GMDS: variants seen among roughly 807,000 people sequenced by gnomAD.
GMDS encodes GDP-mannose 4,6 dehydratase.
A neutral mutation model predicts 49.9 loss-of-function variants in GMDS; 20 were observed. The observed-to-expected ratio is 0.40, with a 90% confidence interval of 0.28 to 0.58. The LOEUF is 0.58. GMDS is among the 20% of genes least tolerant of loss of function. The pLI is 0.42. For synonymous variants in GMDS, 177 were observed against 178.6 expected, an observed-to-expected ratio of 0.99 and a Z score of 0.07; for missense variants, 362 against 481.4, an observed-to-expected ratio of 0.75 and a Z score of 2.32.
chr6:2,146,207 G>A (rs1376518782), intron 1 of GMDS, among the ~76,000 whole-genome samples: 1 of 152,190 alleles, frequency 6.6e-6, no homozygotes, highest in Non-Finnish European at 1.5e-5. Context: ...CTGTTGGTAG[G>A]ACTGTAAATT....
At chr6:2,218,842 C>T (rs905811851) in intron 1 of GMDS, among the ~76,000 whole-genome samples, 2 of 152,148 alleles carry the variant, frequency 1.3e-5, no homozygotes, top group African/African-American at 2.4e-5. Flanking sequence ...TTTGTAGAGG[C>T]TAAAGTTTAT....
chr6:2,082,718 C>A (rs1662087916), intron 4 of GMDS, among the ~76,000 whole-genome samples: 1 of 152,176 alleles, frequency 6.6e-6, no homozygotes. Context: ...ATATTGCACA[C>A]TGTAAGAACA....
chr6:1,915,394 G>A (rs1480001504), intron 7 of GMDS, among the ~76,000 whole-genome samples: 1 of 152,224 alleles, frequency 6.6e-6, no homozygotes, highest in African/African-American at 2.4e-5. Flanking sequence ...TGCAGAGGCA[G>A]CTGAGTGCTG....
chr6:2,049,777 C>T (rs907500506), intron 4 of GMDS, among the ~76,000 whole-genome samples: 6 of 152,134 alleles, frequency 3.9e-5, no homozygotes, highest in South Asian at 4.1e-4. Flanking sequence ...CCTGAATGAC[C>T]ACTGGGTACA....
chr6:1,840,577 T>C (rs1303140638), intron 7 of GMDS, among the ~76,000 whole-genome samples: 1 of 152,168 alleles, frequency 6.6e-6, no homozygotes, highest in East Asian at 1.9e-4. Flanking sequence ...GCAAGAGACG[T>C]ATTTGCTGCT....
intron 4 of GMDS, among the ~76,000 whole-genome samples, chr6:2,061,921 G>T (rs1317366319): frequency 6.6e-6 from 1 of 152,002 alleles, no homozygotes; most frequent in African/African-American, 2.4e-5. Context: ...ACATTAAAAG[G>T]ATTCAAATGT....
At chr6:2,070,785 A>AT (rs1465387290) in intron 4 of GMDS, among the ~76,000 whole-genome samples, 1 of 152,038 alleles carries the variant, frequency 6.6e-6, no homozygotes, top group Non-Finnish European at 1.5e-5. Flanking sequence ...CTACTTTTCC[A>AT]TTTCTGTTCC....
At chr6:2,001,592 G>T (rs1253148741) in intron 4 of GMDS, among the ~76,000 whole-genome samples, 2 of 152,090 alleles carry the variant, frequency 1.3e-5, no homozygotes, top group African/African-American at 4.8e-5. Context: ...AGAATAACCA[G>T]AAAAAGAACA....
intron 1 of GMDS, among the ~76,000 whole-genome samples, chr6:2,125,076 G>A (rs900874815): frequency 6.6e-6 from 1 of 152,142 alleles, no homozygotes; most frequent in East Asian, 1.9e-4. Context: ...CAGAATATGG[G>A]GGCAGAATGC....
At chr6:2,244,918 C>T (rs1158372717) in intron 1 of GMDS, among the ~76,000 whole-genome samples, 1 of 152,208 alleles carries the variant, frequency 6.6e-6, no homozygotes, top group African/African-American at 2.4e-5. Context: ...AGCCGAGACA[C>T]ATCAAGAAGA....
intron 4 of GMDS, among the ~76,000 whole-genome samples, chr6:1,961,849 T>C (rs1167909694): frequency 6.6e-6 from 1 of 152,170 alleles, no homozygotes; most frequent in African/African-American, 2.4e-5. Context: ...CCTGCATGTG[T>C]GCCCTGGAGC....
At chr6:2,236,073 T>C (rs1414467108) in intron 1 of GMDS, among the ~76,000 whole-genome samples, 1 of 152,214 alleles carries the variant, frequency 6.6e-6, no homozygotes, top group African/African-American at 2.4e-5. Flanking sequence ...TTGTTTGCTA[T>C]GCAGAATAAT....
At chr6:1,949,261 G>A (rs989793708) in intron 6 of GMDS, among the ~76,000 whole-genome samples, 2 of 152,188 alleles carry the variant, frequency 1.3e-5, no homozygotes, top group Non-Finnish European at 2.9e-5. Context: ...TCAGGTGGGC[G>A]TTATTAACCT....
intron 7 of GMDS, among the ~76,000 whole-genome samples, chr6:1,787,447 T>A (rs1188087259): frequency 6.6e-6 from 1 of 152,210 alleles, no homozygotes; most frequent in Non-Finnish European, 1.5e-5. Flanking sequence ...TCACTATCGG[T>A]GTTCAGGCCT....
At chr6:1,673,631 T>A (rs891282465) in intron 9 of GMDS, among the ~76,000 whole-genome samples, 1 of 152,156 alleles carries the variant, frequency 6.6e-6, no homozygotes, top group Non-Finnish European at 1.5e-5. Flanking sequence ...TATAATGTCA[T>A]GTATCCACCA....
intron 1 of GMDS, among the ~76,000 whole-genome samples, chr6:2,242,406 AGT>A (rs1385876788): frequency 1.3e-5 from 2 of 152,190 alleles, no homozygotes; most frequent in East Asian, 3.9e-4. Flanking sequence ...TTGGAAAAGG[AGT>A]GTGTCAAGAA....
At chr6:2,074,583 T>C (rs1467726146) in intron 4 of GMDS, among the ~76,000 whole-genome samples, 1 of 152,216 alleles carries the variant, frequency 6.6e-6, no homozygotes, top group East Asian at 1.9e-4. Flanking sequence ...AATCTTTGTC[T>C]AGAACAACAT....
rs531919248 is a variant in GMDS at position 1,899,858 on chromosome 6, A to C, written c.771+30245T>G. On this transcript the variant is annotated intron_variant, in intron 7 of 10. Coordinates refer to ENST00000380815, the MANE Select transcript of GMDS (RefSeq NM_001500.4). Reference sequence around the variant, plus strand: ...AGTCCACACATCTGCCTACACACTAAAGAGAACACAGTCGCCACTCTAAGG... The same window carrying C: ...AGTCCACACATCTGCCTACACACTACAGAGAACACAGTCGCCACTCTAAGG... Among the ~76,000 whole-genome samples the C allele has an allele frequency of 2.7e-5, 4 of 150,874 alleles. No homozygotes were observed. In the South Asian group the frequency reaches 6.4e-4, roughly 24 times the overall value.
intron 4 of GMDS, among the ~76,000 whole-genome samples, chr6:2,080,353 T>C (rs373716791): frequency 2.0e-5 from 3 of 152,208 alleles, no homozygotes; most frequent in East Asian, 3.9e-4. Context: ...AGAATTATTG[T>C]GTTCCCCTGG....
Sources: allele counts gnomAD v4.1 joint callset (sites outside exome capture counted in the v4.1 genomes callset), GRCh38; gene constraint gnomAD v4.1.1; transcripts MANE v1.5; gene names NCBI Gene and HGNC (gene_info 2026-07-23, HGNC 2026-07-21).